PTPRT: variants seen among roughly 807,000 people sequenced by gnomAD.
The protein encoded by PTPRT is receptor-type tyrosine-protein phosphatase T.
In PTPRT, 56 loss-of-function variants were observed where a neutral mutation model predicts 176.8. The ratio of observed to expected loss-of-function variants is 0.32; its 90% confidence interval spans 0.26 to 0.40. The LOEUF (loss-of-function observed/expected upper bound fraction) is 0.40, where lower values mean the gene tolerates loss of function less well. PTPRT is among the 10% of genes least tolerant of loss of function. The pLI is 1.00. For synonymous variants in PTPRT, 783 were observed against 739.0 expected (o/e 1.06, Z -0.96); for missense variants, 1,540 against 1,908.2 (o/e 0.81, Z 3.60).
chr20:42,799,789 C>A (rs146340522), intron 2 of PTPRT, among the ~76,000 whole-genome samples: 2 of 152,166 alleles, frequency 1.3e-5, no homozygotes, highest in Non-Finnish European at 2.9e-5. Flanking sequence ...TGTTTCTTCA[C>A]GTGCAAAACA....
intron 4 of PTPRT, among the ~76,000 whole-genome samples, chr20:42,774,567 A>G (rs1267146571): frequency 3.9e-5 from 6 of 152,224 alleles, no homozygotes; most frequent in Admixed American, 1.3e-4. Flanking sequence ...GGCTTAACAA[A>G]ACATGTGTAC....
intron 8 of PTPRT, among the ~76,000 whole-genome samples, chr20:42,467,364 T>A (rs2071118106): frequency 6.6e-6 from 1 of 152,150 alleles, no homozygotes; most frequent in Non-Finnish European, 1.5e-5. Context: ...ATATGTGACA[T>A]CATCAGTACT....
chr20:42,800,733 A>G lies in PTPRT; in HGVS notation c.215-9267T>C, dbSNP rs573390817. ...TACCTCGTATATTTGCAATGGGAAAAGACACAAATGGAAAGGGGGAGAAAA... is the reference window on the plus strand; with the variant it reads ...TACCTCGTATATTTGCAATGGGAAAGGACACAAATGGAAAGGGGGAGAAAA... On this transcript the variant is annotated intron_variant, in intron 2 of 30. Transcript: ENST00000373187. Among the ~76,000 whole-genome samples the G allele has an allele frequency of 1.5e-4, 23 of 152,310 alleles. 1 individual carries two copies. The South Asian group carries it at 4.6e-3, about 30-fold the overall frequency.
At chr20:42,676,142 G>A (rs561884073) in intron 7 of PTPRT, among the ~76,000 whole-genome samples, 16 of 152,222 alleles carry the variant, frequency 1.1e-4, no homozygotes, top group South Asian at 6.2e-4. Flanking sequence ...TTGGATTTCC[G>A]AGGTTCAGGT....
At chr20:42,648,820 G>GTTTTTTT (rs68036487) in intron 7 of PTPRT, among the ~76,000 whole-genome samples, 10 of 111,834 alleles carry the variant, frequency 8.9e-5, no homozygotes, top group East Asian at 2.5e-4. Flanking sequence ...TGGTGTCGTT[G>GTTTTTTT]TTTTTTTTTT....
rs149340689 is a variant in PTPRT, at chr20:42,781,920, G to A, written c.487-1621C>T. On this transcript the variant is annotated intron_variant, in intron 3 of 30. Transcript: ENST00000373187. ...GTGCCACTTGCTAGTTAGTAGTCCT[G>A]GAAAAGTTATGTTACTGCTCTGTGC... Among the ~76,000 whole-genome samples the A allele has an allele frequency of 7.9e-5, 12 of 152,260 alleles. No individual in the cohort carries two copies. The East Asian group carries it at 1.4e-3, about 17-fold the overall frequency.
chr20:42,861,451 G>A (rs1163749233), intron 2 of PTPRT, among the ~76,000 whole-genome samples: 1 of 151,764 alleles, frequency 6.6e-6, no homozygotes, highest in African/African-American at 2.4e-5. Context: ...TTTCTTTTGT[G>A]AAATTAACGT....
intron 9 of PTPRT, among the ~76,000 whole-genome samples, chr20:42,356,923 C>T (rs923029903): frequency 1.1e-4 from 16 of 152,234 alleles, no homozygotes; most frequent in South Asian, 8.3e-4. Flanking sequence ...GCCTGGGCCC[C>T]GTCTTCCTTC....
At chr20:43,054,586 C>A (rs1222737644) in intron 1 of PTPRT, among the ~76,000 whole-genome samples, 103 of 140,344 alleles carry the variant, frequency 7.3e-4, no homozygotes, top group Non-Finnish European at 1.2e-3. Context: ...AAAAAAAAAA[C>A]AACCTTGGTC....
intron 6 of PTPRT, among the ~76,000 whole-genome samples, chr20:42,718,727 G>A (rs13044387): frequency 0.3 from 45,141 of 151,982 alleles, 6,941 homozygotes; most frequent in African/African-American, 0.37. Flanking sequence ...CTTGGAGTGA[G>A]ACCGAGGAGG....
At chr20:43,155,797 C>G (rs1240824540) in intron 1 of PTPRT, among the ~76,000 whole-genome samples, 1 of 152,126 alleles carries the variant, frequency 6.6e-6, no homozygotes, top group African/African-American at 2.4e-5. Context: ...TAAAAACATA[C>G]AATTTTTTCT....
intron 18 of PTPRT, among the ~76,000 whole-genome samples, chr20:42,130,084 G>A (rs773599880): frequency 9.9e-5 from 15 of 152,208 alleles, no homozygotes; most frequent in Admixed American, 3.3e-4. Context: ...GCACAGAGGA[G>A]TGAAGTTCTC....
intron 1 of PTPRT, among the ~76,000 whole-genome samples, chr20:43,054,914 C>T (rs541495995): frequency 5.8e-4 from 88 of 152,164 alleles, no homozygotes; most frequent in Admixed American, 7.2e-4. Flanking sequence ...TAGCAATATG[C>T]GTGAGCCCAA....
intron 2 of PTPRT, among the ~76,000 whole-genome samples, chr20:42,881,418 C>G (rs1021665370): frequency 1.3e-5 from 2 of 152,130 alleles, no homozygotes; most frequent in Non-Finnish European, 2.9e-5. Flanking sequence ...GTCCTGTGAG[C>G]TGAGACATGA....
intron 7 of PTPRT, among the ~76,000 whole-genome samples, chr20:42,516,717 T>C (rs929422758): frequency 2.6e-5 from 4 of 152,162 alleles, no homozygotes; most frequent in Non-Finnish European, 5.9e-5. Flanking sequence ...CTTCTGGTTT[T>C]CCAAAGTGGT....
intron 6 of PTPRT, among the ~76,000 whole-genome samples, chr20:42,741,112 G>A (rs143753106): frequency 6.6e-6 from 1 of 152,252 alleles, no homozygotes; most frequent in Non-Finnish European, 1.5e-5. Context: ...AAAGTCAGAA[G>A]GAATGGTAAA....
chr20:42,326,518 G>C (rs1001540306), intron 11 of PTPRT, among the ~76,000 whole-genome samples: 9 of 152,120 alleles, frequency 5.9e-5, no homozygotes, highest in African/African-American at 1.9e-4. Flanking sequence ...TAAATACACT[G>C]TACACCATGG....
At chr20:42,597,713 G>A (rs6030355) in intron 7 of PTPRT, among the ~76,000 whole-genome samples, 55,014 of 152,004 alleles carry the variant, frequency 0.36, 11,220 homozygotes, top group African/African-American at 0.55. Flanking sequence ...TGTACAGCCT[G>A]TGGAACAGTG....
rs560405663 is a variant in PTPRT at position 42,619,370 on chromosome 20, A to G, written c.1153+58496T>C. ...CCGACCTTTCTCTCTGGCTGCCCTT[A>G]ACATTTTTTCCTTCATTTCAACTTT... On this transcript the variant is annotated intron_variant, in intron 7 of 30. Transcript: ENST00000373187. Among the ~76,000 whole-genome samples the G allele has an allele frequency of 6.2e-5, 8 of 128,692 alleles. No individual in the cohort carries two copies. In the East Asian group the frequency reaches 1.4e-3, roughly 23 times the overall value. The allele number at this position is 128,692 out of a possible 152,430, so 84.4% of individuals were successfully genotyped here.
Sources: allele counts gnomAD v4.1 joint callset (sites outside exome capture counted in the v4.1 genomes callset), GRCh38; gene constraint gnomAD v4.1.1; transcripts MANE v1.5; gene names NCBI Gene and HGNC (gene_info 2026-07-23, HGNC 2026-07-21).